Variants in MED12L observed in about 807,000 individuals in gnomAD.
The protein encoded by MED12L is mediator of RNA polymerase II transcription subunit 12-like protein.
Under a neutral mutation model 281.3 loss-of-function variants are expected in MED12L, and 60 were observed. That is an observed-to-expected ratio of 0.21 (90% CI 0.17 to 0.26). The LOEUF (loss-of-function observed/expected upper bound fraction) is 0.26, where lower values mean the gene tolerates loss of function less well. Among genes scored for constraint, MED12L ranks in the 10% least tolerant of loss-of-function variants. The pLI is 1.00. For synonymous variants in MED12L, 974 were observed against 987.2 expected, an observed-to-expected ratio of 0.99 and a Z score of 0.25; for missense variants, 2,146 against 2,680.9, an observed-to-expected ratio of 0.80 and a Z score of 4.41.
In MED12L at chr3:151,135,946, A is replaced by C. The variant is rs150258800; in HGVS notation, c.556+7962A>C. 3.3e-5 allele frequency among the ~76,000 whole-genome samples: 5 copies of C among 152,316 alleles called. No homozygotes were observed. The East Asian group carries it at 9.6e-4, about 29-fold the overall frequency. On this transcript the variant is annotated intron_variant, in intron 5 of 44. Transcript: ENST00000687756. Reference sequence around the variant, plus strand: ...ATGGTGAAAAGTGACAAGACATATCATGCGCATGAGGTCTTTTTTGGGGGA... The same window carrying C: ...ATGGTGAAAAGTGACAAGACATATCCTGCGCATGAGGTCTTTTTTGGGGGA...
chr3:151,194,704 A>T (rs1724419316), intron 16 of MED12L, among the ~76,000 whole-genome samples: 2 of 152,200 alleles, frequency 1.3e-5, no homozygotes. Flanking sequence ...GATGTGCTTT[A>T]TTCTAAAGTG....
intron 41 of MED12L, among the ~76,000 whole-genome samples, chr3:151,411,943 G>C (rs150427861): frequency 3.5e-4 from 54 of 152,284 alleles, no homozygotes; most frequent in Non-Finnish European, 6.9e-4. Flanking sequence ...TGAGAGTTTT[G>C]TTATAACTTA....
chr3:151,290,434 A>G (rs1432400085), intron 16 of MED12L, among the ~76,000 whole-genome samples: 1 of 152,188 alleles, frequency 6.6e-6, no homozygotes, highest in African/African-American at 2.4e-5. Context: ...TTCAAAGTGA[A>G]TCTTAGGAGT....
intron 16 of MED12L, among the ~76,000 whole-genome samples, chr3:151,221,621 G>T (rs1443812337): frequency 6.6e-6 from 1 of 152,204 alleles, no homozygotes; most frequent in Non-Finnish European, 1.5e-5. Flanking sequence ...TCAAGCCTTG[G>T]CAGCTTCCAC....
At chr3:151,227,631 T>C (rs1477609847) in intron 16 of MED12L, among the ~76,000 whole-genome samples, 1 of 152,180 alleles carries the variant, frequency 6.6e-6, no homozygotes, top group Non-Finnish European at 1.5e-5. Context: ...AGGTGTGGCA[T>C]AGGCACCTCA....
At chr3:151,100,753 AT>A (rs1345268610) in intron 2 of MED12L, among the ~76,000 whole-genome samples, 9 of 152,188 alleles carry the variant, frequency 5.9e-5, no homozygotes, top group African/African-American at 1.9e-4. Flanking sequence ...CACTATTTAC[AT>A]TTCTACTACT....
chr3:151,353,379 A>G (rs899865345), intron 17 of MED12L, among the ~76,000 whole-genome samples: 2 of 152,234 alleles, frequency 1.3e-5, no homozygotes, highest in Non-Finnish European at 2.9e-5. Context: ...AATTTCATAC[A>G]TAATTTGTAC....
chr3:151,106,793 G>A (rs924563006), intron 2 of MED12L, among the ~76,000 whole-genome samples: 5 of 151,934 alleles, frequency 3.3e-5, no homozygotes, highest in African/African-American at 7.3e-5. Context: ...AATACTTTTT[G>A]TCTTGAAGTC....
chr3:151,372,234 A>C (rs933043287), intron 26 of MED12L, among the ~76,000 whole-genome samples: 9 of 152,222 alleles, frequency 5.9e-5, no homozygotes, highest in Non-Finnish European at 1.3e-4. Context: ...AATGAATTTG[A>C]ATACATTCAT....
chr3:151,145,914 G>C (rs1717694197), intron 5 of MED12L, among the ~76,000 whole-genome samples: 1 of 152,200 alleles, frequency 6.6e-6, no homozygotes, highest in African/African-American at 2.4e-5. Context: ...GTTCCCTGCT[G>C]CAGTCACCTC....
intron 16 of MED12L, among the ~76,000 whole-genome samples, chr3:151,283,384 A>G (rs1743063795): frequency 6.6e-6 from 1 of 152,282 alleles, no homozygotes; most frequent in South Asian, 2.1e-4. Context: ...TTGTTACAAA[A>G]CAAAAACTTT....
rs547687710 is a variant in MED12L, at chr3:151,269,599, A to G, written c.2250+75933A>G. On this transcript the variant is annotated intron_variant, in intron 16 of 44. Transcript: ENST00000687756. ...ATTTGTCAGCCATCCACAAGTGTCTACATTACTTGGGGAGGAAGACAAAGA... is the reference window on the plus strand; with the variant it reads ...ATTTGTCAGCCATCCACAAGTGTCTGCATTACTTGGGGAGGAAGACAAAGA... 1.2e-3 allele frequency: 417 copies of G among 343,838 alleles called. 4 individuals carry two copies. The highest frequency in any genetic ancestry group is 8.1e-3 in the South Asian group (296 of 36,690). 21.3% of individuals were successfully genotyped at this position (343,838 alleles called of 1,614,324 possible).
intron 16 of MED12L, among the ~76,000 whole-genome samples, chr3:151,273,172 T>C (rs1175041850): frequency 1.3e-5 from 2 of 151,856 alleles, no homozygotes; most frequent in African/African-American, 4.8e-5. Flanking sequence ...CACCACACTA[T>C]GTTATTGGGA....
At chr3:151,170,634 C>G (rs1163580742) in intron 11 of MED12L, among the ~76,000 whole-genome samples, 2 of 152,144 alleles carry the variant, frequency 1.3e-5, no homozygotes, top group African/African-American at 2.4e-5. Context: ...ATTTCCTTGG[C>G]CACTGTTTCT....
chr3:151,256,487 A>T (rs1737834020), intron 16 of MED12L, among the ~76,000 whole-genome samples: 1 of 152,170 alleles, frequency 6.6e-6, no homozygotes, highest in Non-Finnish European at 1.5e-5. Context: ...CTCCACAGGG[A>T]GTGTGAATGA....
chr3:151,332,738 AT>A (rs10710635), intron 16 of MED12L, among the ~76,000 whole-genome samples: 47,673 of 150,818 alleles, frequency 0.32, 7,725 homozygotes, highest in East Asian at 0.49. Flanking sequence ...GACTGACGTG[AT>A]TTTTTTTTTA....
At chr3:151,095,270 C>G (rs1720561081) in intron 2 of MED12L, among the ~76,000 whole-genome samples, 1 of 152,158 alleles carries the variant, frequency 6.6e-6, no homozygotes, top group Non-Finnish European at 1.5e-5. Context: ...ATTGGCCATA[C>G]AATTCAATAG....
At position 151,394,816 on chromosome 3, in the gene MED12L, G is replaced by C; in HGVS notation, c.5769G>C (p.Gln1923His). 6.2e-7 allele frequency: 1 copy of C among 1,614,192 alleles called. No individual in the cohort carries two copies. The highest frequency in any genetic ancestry group is 1.7e-4 in the Middle Eastern group (1 of 6,058). ...TGATACAGATGAAGCTTCTGCAGCA[G>C]CAGCAGCAACAGCGACTTCTCAGGC... ...QQLIQMKLLQ[Q>H]QQQQRLLRQA... The change falls in exon 39 of 45, where the codon CAG becomes CAC. Residue 1923 changes from glutamine (Q) to histidine (H), a missense_variant. By Grantham distance (24) the Gln-to-His change is conservative. Transcript: ENST00000687756.
chr3:151,320,502 T>G (rs1205591295), intron 16 of MED12L, among the ~76,000 whole-genome samples: 1 of 152,204 alleles, frequency 6.6e-6, no homozygotes, highest in East Asian at 1.9e-4. Context: ...TGAGTATAAT[T>G]ATTATAAGCC....
Sources: gnomAD v4.1 joint callset for allele counts (sites outside exome capture counted in the v4.1 genomes callset) on GRCh38, gnomAD v4.1.1 for gene constraint, MANE v1.5 for transcripts, NCBI Gene and HGNC (gene_info 2026-07-23, HGNC 2026-07-21) for gene names.